Variants in HHAT observed in about 807,000 individuals in gnomAD.
HHAT encodes the protein protein-cysteine N-palmitoyltransferase HHAT.
A neutral mutation model predicts 70.8 loss-of-function variants in HHAT; 47 were observed. That is an observed-to-expected ratio of 0.66 (90% CI 0.53 to 0.85). The LOEUF (loss-of-function observed/expected upper bound fraction) is 0.85, where lower values mean the gene tolerates loss of function less well. Ranked by LOEUF, HHAT falls within the 40% of genes least tolerant of loss-of-function variation. The probability of loss-of-function intolerance (pLI) is 0.00; values close to 1 mark genes in which losing one functional copy is unlikely to be tolerated. For synonymous variants in HHAT, 228 were observed against 247.6 expected (o/e 0.92, Z 0.74); for missense variants, 609 against 604.8 (o/e 1.01, Z -0.07).
At chr1:210,660,049 G>C (rs1677311724) in intron 11 of HHAT, among the ~76,000 whole-genome samples, 1 of 152,166 alleles carries the variant, frequency 6.6e-6, no homozygotes, top group South Asian at 2.1e-4. Flanking sequence ...ATTCAACATA[G>C]TGTTGGAAGT....
At chr1:210,508,140 A>C (rs964823564) in intron 8 of HHAT, among the ~76,000 whole-genome samples, 2 of 144,022 alleles carry the variant, frequency 1.4e-5, no homozygotes, top group Non-Finnish European at 3.0e-5. Flanking sequence ...TGGAGGTTGC[A>C]GCGAGCCGAG....
intron 11 of HHAT, 134 bp downstream of exon 11, chr1:210,623,804 C>T (rs1039438997): frequency 1.9e-5 from 18 of 944,764 alleles, no homozygotes; most frequent in Non-Finnish European, 2.7e-5. Context: ...CTCTAAAGTA[C>T]CAGCCAGGAA....
intron 8 of HHAT, among the ~76,000 whole-genome samples, chr1:210,496,145 C>T (rs1050344970): frequency 4.7e-5 from 7 of 149,006 alleles, no homozygotes; most frequent in African/African-American, 1.7e-4. Context: ...ATTACTCCCA[C>T]ACTTAGTAGT....
At chr1:210,579,839 C>T (rs1658805052) in intron 9 of HHAT, among the ~76,000 whole-genome samples, 1 of 152,156 alleles carries the variant, frequency 6.6e-6, no homozygotes, top group African/African-American at 2.4e-5. Context: ...AAAGATAGAG[C>T]TTTTGTGAAG....
At chr1:210,404,771 C>T in intron 6 of HHAT, 92 bp downstream of exon 6, 2 of 936,386 alleles carry the variant, frequency 2.1e-6, no homozygotes, top group Non-Finnish European at 3.2e-6. Flanking sequence ...TCGTTTTGTT[C>T]AGAGGTGCCC....
chr1:210,603,426 C>T (rs1664718430), intron 10 of HHAT, among the ~76,000 whole-genome samples: 2 of 151,946 alleles, frequency 1.3e-5, no homozygotes, highest in African/African-American at 4.8e-5. Context: ...CATAGATGAA[C>T]TTGGGAAAAA....
At chr1:210,374,105 G>T (rs554686740) in intron 3 of HHAT, 2 of 150,660 alleles carry the variant, frequency 1.3e-5, no homozygotes, top group Non-Finnish European at 3.0e-5. Context: ...TAAGCCTAAA[G>T]TTGCACCATA....
intron 9 of HHAT, among the ~76,000 whole-genome samples, chr1:210,562,608 A>G (rs751030383): frequency 2.6e-5 from 4 of 151,522 alleles, no homozygotes; most frequent in Admixed American, 6.6e-5. Context: ...TTTGTGTTCA[A>G]TGTCTTGGTT....
At chr1:210,577,797 C>G (rs927573711) in intron 9 of HHAT, among the ~76,000 whole-genome samples, 2 of 151,796 alleles carry the variant, frequency 1.3e-5, no homozygotes, top group African/African-American at 2.4e-5. Context: ...AGGCATGCAC[C>G]ACCACGCTGG....
chr1:210,455,770 C>T (rs1048966384), intron 7 of HHAT, among the ~76,000 whole-genome samples: 1 of 152,132 alleles, frequency 6.6e-6, no homozygotes, highest in African/African-American at 2.4e-5. Flanking sequence ...TAGTTGAAAC[C>T]TGATTGGGTT....
rs532428862 is a variant in HHAT, at chr1:210,367,406, G to T, written c.159+4487G>T. On this transcript the variant is annotated intron_variant, in intron 3 of 11. Transcript: ENST00000261458. The stretch of plus-strand genomic sequence containing the variant: ...TACGTGCCTCTAGATAGCCATGTAG[G>T]TAAGTGGGCTAAGTGGGACAGTGTG... Among the ~76,000 whole-genome samples, 355 of 152,298 alleles carry T rather than the reference G, an allele frequency of 2.3e-3. 2 individuals carry two copies. The highest frequency in any genetic ancestry group is 7.8e-3 in the African/African-American group (324 of 41,578).
intron 2 of HHAT, among the ~76,000 whole-genome samples, chr1:210,360,690 T>A (rs1558351191): frequency 6.6e-6 from 1 of 152,142 alleles, no homozygotes; most frequent in Non-Finnish European, 1.5e-5. Flanking sequence ...ATTTGAAATG[T>A]GGCCAGGCCA....
chr1:210,600,058 C>T (rs1442747706), intron 10 of HHAT, among the ~76,000 whole-genome samples: 1 of 152,162 alleles, frequency 6.6e-6, no homozygotes, highest in Non-Finnish European at 1.5e-5. Context: ...CAAATGATAT[C>T]TAGTTTGGAA....
chr1:210,488,699 C>A lies in HHAT; in HGVS notation c.1007+24044C>A, dbSNP rs139581870. Among the ~76,000 whole-genome samples the A allele has an allele frequency of 7.1e-3, 1,072 of 151,754 alleles. 5 individuals are homozygous for A. The highest frequency in any genetic ancestry group is 0.025 in the African/African-American group (1,019 of 41,366). ...CTTGAGCCCGGAAGTTTGAGACCAG[C>A]CTGGGCAATACAGTGAGACCTTGTC... On this transcript the variant is annotated intron_variant, in intron 8 of 11. Coordinates refer to ENST00000261458, the MANE Select transcript of HHAT (RefSeq NM_018194.6).
intron 10 of HHAT, among the ~76,000 whole-genome samples, chr1:210,596,227 A>C (rs1238467191): frequency 6.6e-6 from 1 of 152,130 alleles, no homozygotes; most frequent in Admixed American, 6.5e-5. Flanking sequence ...TAAATAGGGA[A>C]TCGTTTCCCC....
intron 11 of HHAT, among the ~76,000 whole-genome samples, chr1:210,641,862 C>T (rs373808328): frequency 6.6e-6 from 1 of 152,332 alleles, no homozygotes; most frequent in East Asian, 1.9e-4. Context: ...TGCCATGTCA[C>T]AATAACTTGC....
rs756018892 is a variant in HHAT at position 210,464,563 on chromosome 1, C to T, written c.915C>T (p.Gly305=). The change falls in exon 8 of 12, where the codon GGC becomes GGT. Residue 305 remains glycine (G), a synonymous_variant. Coordinates refer to ENST00000261458, the MANE Select transcript of HHAT (RefSeq NM_018194.6). ...ACGTGAAGTACTTGGTGCTCTTTGGCGTGCCTGCTCTGCTCATGCGCCTGG... is the reference window on the plus strand; with the variant it reads ...ACGTGAAGTACTTGGTGCTCTTTGGTGTGCCTGCTCTGCTCATGCGCCTGG... ...FFYVKYLVLF[G]VPALLMRLDG... is the part of the protein sequence containing the mutation. 1.9e-5 allele frequency: 31 copies of T among 1,614,006 alleles called. No individual in the cohort carries two copies. Among genetic ancestry groups the T allele is most frequent in the African/African-American group, 2.7e-5 (2 of 74,910 alleles).
chr1:210,585,014 A>G (rs1178899254), intron 9 of HHAT, among the ~76,000 whole-genome samples: 2 of 152,220 alleles, frequency 1.3e-5, no homozygotes, highest in African/African-American at 4.8e-5. Flanking sequence ...TGCACAAAGG[A>G]AAGTATTGGC....
chr1:210,533,236 G>T (rs1399770540), intron 9 of HHAT, among the ~76,000 whole-genome samples: 5 of 152,044 alleles, frequency 3.3e-5, no homozygotes, highest in Admixed American at 3.3e-4. Context: ...GAGGTGAATG[G>T]CACAGAAAAG....
Sources: gnomAD v4.1 joint callset for allele counts (sites outside exome capture counted in the v4.1 genomes callset) on GRCh38, gnomAD v4.1.1 for gene constraint, MANE v1.5 for transcripts, NCBI Gene and HGNC (gene_info 2026-07-23, HGNC 2026-07-21) for gene names.